The following PLCE1 variants were observed in gnomAD, a reference collection of about 807,000 sequenced individuals.
PLCE1 encodes the protein 1-phosphatidylinositol 4,5-bisphosphate phosphodiesterase epsilon-1.
PLCE1 carries 119 observed loss-of-function variants against 242.8 expected under a neutral mutation model. The ratio of observed to expected loss-of-function variants is 0.49; its 90% CI spans 0.42 to 0.57. The LOEUF (loss-of-function observed/expected upper bound fraction) is 0.57, where lower values mean the gene tolerates loss of function less well. Ranked by LOEUF, PLCE1 falls within the 20% of genes least tolerant of loss-of-function variation. The pLI is 0.00. For synonymous variants in PLCE1, 945 were observed against 1,017.4 expected, an observed-to-expected ratio of 0.93 and a Z score of 1.35; for missense variants, 2,441 against 2,788.8, an observed-to-expected ratio of 0.88 and a Z score of 2.81.
At chr10:94,283,039 G>A (rs1201843368) in intron 20 of PLCE1, 3 of 152,070 alleles carry the variant, frequency 2.0e-5, no homozygotes, top group Admixed American at 1.3e-4. Flanking sequence ...CTGATGATGC[G>A]ATACTAAATC....
intron 27 of PLCE1, among the ~76,000 whole-genome samples, chr10:94,309,901 C>A (rs1401482436): frequency 6.6e-6 from 1 of 152,056 alleles, no homozygotes; most frequent in Non-Finnish European, 1.5e-5. Context: ...TGTCGAGCAC[C>A]TATAGTCCCA....
Position 94,332,512 on chromosome 10 carries a change from T to C in PLCE1, c.*4569T>C, listed in dbSNP as rs920549594. 2 of 95,992 alleles carry C rather than the reference T, an allele frequency of 2.1e-5. No individual in the cohort carries two copies. Among genetic ancestry groups the C allele is most frequent in the African/African-American group, 9.2e-5 (2 of 21,744 alleles). The allele number at this position is 95,992 out of a possible 1,614,324, so 5.9% of individuals were successfully genotyped here. ...CTCAGGATATGTGTGTGCCTGTGTG[T>C]GTGTGTGTGTGTGTGTGTGTGTGTG... On this transcript the variant is annotated 3_prime_UTR_variant, in exon 33 of 33. Transcript: ENST00000371380.
intron 10 of PLCE1, 140 bp from the exon 11 acceptor site, chr10:94,254,753 A>G: frequency 1.1e-6 from 1 of 895,724 alleles, no homozygotes; most frequent in Non-Finnish European, 1.9e-6. Flanking sequence ...ATTCATAAAG[A>G]TATTTTGGTG....
chr10:93,995,878 G>C (rs972460472), intron 1 of PLCE1, among the ~76,000 whole-genome samples: 1 of 152,136 alleles, frequency 6.6e-6, no homozygotes, highest in African/African-American at 2.4e-5. Flanking sequence ...CAATGAAGGC[G>C]GTTGGTTTTG....
intron 2 of PLCE1, among the ~76,000 whole-genome samples, chr10:94,127,459 G>A (rs1051562580): frequency 1.3e-5 from 2 of 152,144 alleles, no homozygotes; most frequent in Non-Finnish European, 2.9e-5. Flanking sequence ...TCTTCACATG[G>A]CAGTTGTTGC....
intron 4 of PLCE1, among the ~76,000 whole-genome samples, chr10:94,213,648 G>A (rs1226821834): frequency 6.6e-6 from 1 of 151,934 alleles, no homozygotes; most frequent in Non-Finnish European, 1.5e-5. Flanking sequence ...CTCCTTTCTG[G>A]CTTCTTTGAA....
At chr10:94,293,710 A>T in intron 23 of PLCE1, 71 bp downstream of exon 23, 1 of 1,525,104 alleles carries the variant, frequency 6.6e-7, no homozygotes, top group Non-Finnish European at 9.1e-7. Context: ...TTACTGTCTA[A>T]GCACTTCCCT....
At chr10:94,088,705 T>C (rs1485730079) in intron 2 of PLCE1, among the ~76,000 whole-genome samples, 1 of 152,236 alleles carries the variant, frequency 6.6e-6, no homozygotes, top group African/African-American at 2.4e-5. Flanking sequence ...CTGCCTTCTA[T>C]TATTATTCCC....
chr10:94,191,264 G>T (rs1678054885), intron 4 of PLCE1, among the ~76,000 whole-genome samples: 1 of 152,130 alleles, frequency 6.6e-6, no homozygotes, highest in Admixed American at 6.5e-5. Context: ...CACTTGAATT[G>T]ACATTTGCAG....
chr10:94,258,174 A>G (rs2051169350), intron 11 of PLCE1, among the ~76,000 whole-genome samples: 1 of 152,164 alleles, frequency 6.6e-6, no homozygotes, highest in Admixed American at 6.5e-5. Flanking sequence ...TATGTTGGCC[A>G]GGCTGGTTTC....
In PLCE1 at chr10:94,259,149, A is replaced by G. The variant is rs758075995; in HGVS notation, c.3813A>G (p.Leu1271=). 1.2e-6 allele frequency: 2 copies of G among 1,614,082 alleles called. No homozygotes were observed. The highest frequency in any genetic ancestry group is 1.1e-5 in the South Asian group (1 of 91,086). Residue 1271 remains leucine (L), a splice_region_variant and synonymous_variant, in exon 13 of 33, where the codon CTA becomes CTG. Transcript: ENST00000371380. ...DENTSDLQPD[L]DLLTRNVSDL... ...ACACCAGCGATCTTCAGCCTGACCT[A>G]GGTTTGTTGAACATTTTAGGATTTC...
intron 22 of PLCE1, among the ~76,000 whole-genome samples, chr10:94,287,745 A>G (rs1264677703): frequency 6.6e-6 from 1 of 151,384 alleles, no homozygotes; most frequent in African/African-American, 2.4e-5. Context: ...AAAAAAAAGG[A>G]TATGGTATTT....
chr10:94,013,228 G>A (rs763120422), intron 1 of PLCE1, among the ~76,000 whole-genome samples: 1 of 152,144 alleles, frequency 6.6e-6, no homozygotes, highest in African/African-American at 2.4e-5. Context: ...TAATTTGGTT[G>A]CATTCTGTTT....
chr10:94,071,495 G>GTTTTTTTTTGTTTTTTTTGTTTT (rs2044352554), intron 2 of PLCE1, among the ~76,000 whole-genome samples: 1 of 83,316 alleles, frequency 1.2e-5, no homozygotes, highest in Admixed American at 1.5e-4. Context: ...TTTGGTTTTC[G>GTTTTTTTTTGTTTTTTTTGTTTT]TTTTTTTTTT....
At chr10:94,023,548 A>G (rs1209488774) in intron 1 of PLCE1, among the ~76,000 whole-genome samples, 2 of 152,146 alleles carry the variant, frequency 1.3e-5, no homozygotes, top group African/African-American at 4.8e-5. Flanking sequence ...CATTCTACTA[A>G]CATCAATGAC....
intron 3 of PLCE1, among the ~76,000 whole-genome samples, chr10:94,132,672 C>G (rs189166192): frequency 2.0e-5 from 3 of 151,408 alleles, no homozygotes; most frequent in Non-Finnish European, 4.4e-5. Flanking sequence ...ATTTTGAGGC[C>G]GGGTGCGGTG....
intron 2 of PLCE1, among the ~76,000 whole-genome samples, chr10:94,121,674 A>C (rs767796462): frequency 2.6e-5 from 4 of 152,190 alleles, no homozygotes; most frequent in Non-Finnish European, 5.9e-5. Flanking sequence ...GGTGGCACTA[A>C]GTACGACATG....
At chr10:94,327,790 A>G (rs1008170625) in intron 32 of PLCE1, among the ~76,000 whole-genome samples, 178 bp from the exon 33 acceptor site, 1 of 152,184 alleles carries the variant, frequency 6.6e-6, no homozygotes, top group Non-Finnish European at 1.5e-5. Flanking sequence ...GAAATAACCT[A>G]ATGTTCTACT....
At chr10:94,118,470 G>C (rs2046202418) in intron 2 of PLCE1, among the ~76,000 whole-genome samples, 1 of 152,148 alleles carries the variant, frequency 6.6e-6, no homozygotes, top group Non-Finnish European at 1.5e-5. Context: ...TAATTCCCAT[G>C]TGTTGTGGGA....
Sources: gnomAD v4.1 joint callset for allele counts (sites outside exome capture counted in the v4.1 genomes callset) on GRCh38, gnomAD v4.1.1 for gene constraint, MANE v1.5 for transcripts, NCBI Gene and HGNC (gene_info 2026-07-23, HGNC 2026-07-21) for gene names.